Variants in KITLG observed in about 807,000 individuals in gnomAD.
KITLG encodes the protein c-Kit ligand.
Under a neutral mutation model 34.1 loss-of-function variants are expected in KITLG, and 13 were observed. The ratio of observed to expected loss-of-function variants is 0.38; its 90% confidence interval spans 0.25 to 0.61. The LOEUF is 0.61. Among genes scored for constraint, KITLG ranks in the 20% least tolerant of loss-of-function variants. The probability of loss-of-function intolerance (pLI) is 0.60; values close to 1 mark genes in which losing one functional copy is unlikely to be tolerated. For missense variants in KITLG, 292 were observed against 318.9 expected (o/e 0.92, Z 0.64); for synonymous variants, 110 against 104.0 (o/e 1.06, Z -0.35).
chr12:88,505,503 C>G (rs140356627), intron 8 of KITLG, among the ~76,000 whole-genome samples: 4 of 152,170 alleles, frequency 2.6e-5, no homozygotes, highest in Non-Finnish European at 4.4e-5. Flanking sequence ...TCATATGTGT[C>G]TGTGTATACA....
At position 88,494,933 on chromosome 12, in the gene KITLG, G is replaced by A. The variant is rs1868569896; in HGVS notation, c.*2286C>T. On this transcript the variant is annotated 3_prime_UTR_variant, in exon 10 of 10. Coordinates refer to ENST00000644744, the MANE Select transcript of KITLG (RefSeq NM_000899.5). ...TCAAAGCAGAAATAACACAGTTAAT[G>A]TCCAAGCAGCTAGCATCCAAAATAA... is the stretch of plus-strand genomic sequence containing the variant. 6.6e-6 allele frequency: 1 copy of A among 151,966 alleles called. No homozygotes were observed. The highest frequency in any genetic ancestry group is 2.4e-5 in the African/African-American group (1 of 41,396). 9.4% of individuals were successfully genotyped at this position (151,966 alleles called of 1,614,324 possible). A position where few individuals can be genotyped will look rare whatever the true frequency, so the allele number is the denominator to read the frequency against.
intron 1 of KITLG, among the ~76,000 whole-genome samples, chr12:88,573,139 C>T (rs548261845): frequency 1.3e-4 from 20 of 152,236 alleles, no homozygotes; most frequent in African/African-American, 4.6e-4. Flanking sequence ...ACATTAGAAA[C>T]AATTTTATAT....
At chr12:88,508,641 A>T (rs1257134138) in intron 6 of KITLG, among the ~76,000 whole-genome samples, 1 of 151,632 alleles carries the variant, frequency 6.6e-6, no homozygotes, top group Non-Finnish European at 1.5e-5. Context: ...CCACGTAGGG[A>T]GTTGTCAGAA....
intron 2 of KITLG, among the ~76,000 whole-genome samples, chr12:88,532,989 T>C (rs1330091388): frequency 1.3e-5 from 2 of 152,196 alleles, no homozygotes; most frequent in Non-Finnish European, 1.5e-5. Flanking sequence ...TAACAAGTCC[T>C]CCAGGTGATT....
At chr12:88,535,385 T>C (rs1231119636) in intron 2 of KITLG, among the ~76,000 whole-genome samples, 1 of 152,224 alleles carries the variant, frequency 6.6e-6, no homozygotes, top group Non-Finnish European at 1.5e-5. Context: ...AAACAAGTTT[T>C]CATATACAGT....
intron 9 of KITLG, among the ~76,000 whole-genome samples, chr12:88,504,721 C>T (rs1234559728): frequency 1.3e-5 from 2 of 152,114 alleles, no homozygotes; most frequent in Non-Finnish European, 2.9e-5. Context: ...CCTCAGGGAT[C>T]TAGAACTAGA....
At chr12:88,546,908 A>G (rs1460198027) in intron 1 of KITLG, among the ~76,000 whole-genome samples, 2 of 152,216 alleles carry the variant, frequency 1.3e-5, no homozygotes, top group African/African-American at 4.8e-5. Context: ...CAATTAATCA[A>G]TTAACCTTAA....
At chr12:88,507,785 G>T (rs1188790149) in intron 6 of KITLG, among the ~76,000 whole-genome samples, 1 of 152,114 alleles carries the variant, frequency 6.6e-6, no homozygotes, top group Admixed American at 6.6e-5. Flanking sequence ...CACTAGTGTT[G>T]TCCCATACTA....
At chr12:88,571,934 A>G (rs1566037757) in intron 1 of KITLG, among the ~76,000 whole-genome samples, 1 of 152,192 alleles carries the variant, frequency 6.6e-6, no homozygotes, top group Non-Finnish European at 1.5e-5. Flanking sequence ...CCTATCTGTG[A>G]AATGGGGTTT....
At chr12:88,501,968 A>G (rs1213692163) in intron 9 of KITLG, among the ~76,000 whole-genome samples, 1 of 152,154 alleles carries the variant, frequency 6.6e-6, no homozygotes, top group African/African-American at 2.4e-5. Context: ...AAAGGGCACA[A>G]AATGTTCATT....
chr12:88,550,501 C>T (rs1462144840), intron 1 of KITLG, among the ~76,000 whole-genome samples: 1 of 152,158 alleles, frequency 6.6e-6, no homozygotes, highest in Non-Finnish European at 1.5e-5. Context: ...GTTTTGGGAA[C>T]AATTCCATGA....
chr12:88,572,523 TAAA>T (rs1489817802), intron 1 of KITLG, among the ~76,000 whole-genome samples: 1 of 149,048 alleles, frequency 6.7e-6, no homozygotes, highest in Admixed American at 6.7e-5. Flanking sequence ...AGTAAAGTTT[TAAA>T]AACACTTTTC....
intron 3 of KITLG, among the ~76,000 whole-genome samples, chr12:88,529,103 G>A (rs916022290): frequency 6.6e-6 from 1 of 152,040 alleles, no homozygotes; most frequent in Non-Finnish European, 1.5e-5. Context: ...AAAATATCAC[G>A]TGTACCCCAT....
rs1362743563 is a variant in KITLG, at chr12:88,574,532, A to ATT, written c.15+5730_15+5731dup. The stretch of plus-strand genomic sequence containing the variant: ...CTCTCATCTTCACTATCTTCTCAGG[A>ATT]TTAACTATCTTGGGCATGATTCAGA... On this transcript the variant is annotated intron_variant, in intron 1 of 9. Coordinates refer to ENST00000644744, the MANE Select transcript of KITLG (RefSeq NM_000899.5). 2.0e-5 allele frequency among the ~76,000 whole-genome samples: 3 copies of ATT among 152,028 alleles called. No individual in the cohort carries two copies. In the East Asian group the frequency reaches 5.8e-4, roughly 29 times the overall value.
At chr12:88,546,223 A>C (rs1202273939) in intron 1 of KITLG, among the ~76,000 whole-genome samples, 1 of 152,214 alleles carries the variant, frequency 6.6e-6, no homozygotes, top group Non-Finnish European at 1.5e-5. Flanking sequence ...TTATGGCACC[A>C]AAAGAAACAT....
rs146985649 is a variant in KITLG at position 88,571,604 on chromosome 12, T to C, written c.15+8660A>G. 2.6e-5 allele frequency among the ~76,000 whole-genome samples: 4 copies of C among 152,290 alleles called. No individual in the cohort carries two copies. The East Asian group carries it at 7.7e-4, about 29-fold the overall frequency. On this transcript the variant is annotated intron_variant, in intron 1 of 9. Transcript: ENST00000644744. ...ATTTTGCCATTAGAAAAAAGGCTTATAAAAAATGTATCAGTATCTAACAAC... is the reference window on the plus strand; with the variant it reads ...ATTTTGCCATTAGAAAAAAGGCTTACAAAAAATGTATCAGTATCTAACAAC...
At chr12:88,535,830 G>A (rs558972964) in intron 2 of KITLG, among the ~76,000 whole-genome samples, 1 of 152,140 alleles carries the variant, frequency 6.6e-6, no homozygotes, top group African/African-American at 2.4e-5. Flanking sequence ...AATGGTGCTG[G>A]GATAACTGGC....
At chr12:88,565,374 C>T (rs1008032889) in intron 1 of KITLG, among the ~76,000 whole-genome samples, 1 of 152,136 alleles carries the variant, frequency 6.6e-6, no homozygotes, top group African/African-American at 2.4e-5. Context: ...GGCCTGTAAT[C>T]CCAGCACTCT....
intron 1 of KITLG, among the ~76,000 whole-genome samples, chr12:88,573,741 G>A (rs1433768092): frequency 6.6e-6 from 1 of 152,218 alleles, no homozygotes; most frequent in Non-Finnish European, 1.5e-5. Context: ...GCACAGGGAT[G>A]CAATTATGCA....
Sources: gnomAD v4.1 joint callset for allele counts (sites outside exome capture counted in the v4.1 genomes callset) on GRCh38, gnomAD v4.1.1 for gene constraint, MANE v1.5 for transcripts, NCBI Gene and HGNC (gene_info 2026-07-23, HGNC 2026-07-21) for gene names.